The following DNM1L variants were observed in gnomAD, a reference collection of about 807,000 sequenced individuals.
The protein encoded by DNM1L is dynamin 1L.
Under a neutral mutation model 92.8 loss-of-function variants are expected in DNM1L, and 33 were observed. That is an observed-to-expected ratio of 0.36 (90% CI 0.27 to 0.48). The LOEUF (loss-of-function observed/expected upper bound fraction) is 0.48, where lower values mean the gene tolerates loss of function less well. Among genes scored for constraint, DNM1L ranks in the 20% least tolerant of loss-of-function variants. The pLI, the probability that DNM1L is intolerant of heterozygous loss-of-function variation, is 0.99. For synonymous variants in DNM1L, 284 were observed against 305.0 expected (o/e 0.93, Z 0.72); for missense variants, 485 against 888.8 (o/e 0.55, Z 5.78).
chr12:32,701,966 C>T (rs1592593085), intron 2 of DNM1L, among the ~76,000 whole-genome samples: 1 of 150,438 alleles, frequency 6.6e-6, no homozygotes, highest in East Asian at 2.0e-4. Context: ...GACCTCAAGC[C>T]ATCCGCCCGC....
At position 32,738,299 on chromosome 12, in the gene DNM1L, G is replaced by A. The variant is rs1375926058; in HGVS notation, c.1707+3G>A. On this transcript the variant is annotated splice_donor_region_variant and intron_variant, in intron 16 of 19. Coordinates refer to ENST00000549701, the MANE Select transcript of DNM1L (RefSeq NM_012062.5). ...ACAGCAGAAGAGAAACTAAAAATGTGAGTCTCTTGCTTCAGAATGGAAATG... is the reference window on the plus strand; with the variant it reads ...ACAGCAGAAGAGAAACTAAAAATGTAAGTCTCTTGCTTCAGAATGGAAATG... 6.2e-7 allele frequency: 1 copy of A among 1,613,540 alleles called. No homozygotes were observed. The highest frequency in any genetic ancestry group is 1.1e-5 in the South Asian group (1 of 91,048).
At chr12:32,718,812 G>A in intron 7 of DNM1L, 49 bp downstream of exon 7, 1 of 1,606,514 alleles carries the variant, frequency 6.2e-7, no homozygotes, top group Non-Finnish European at 8.5e-7. Flanking sequence ...TCTTAGAATG[G>A]GATAAGCATT....
chr12:32,736,886 G>T, intron 13 of DNM1L: 1 of 534,222 alleles, frequency 1.9e-6, no homozygotes, highest in Non-Finnish European at 3.3e-6. Context: ...ACAGTGTATT[G>T]TATCCTTCAG....
rs576800717 is a variant in DNM1L, at chr12:32,706,813, A to G, written c.251-554A>G. On this transcript the variant is annotated intron_variant, in intron 2 of 19. Coordinates refer to ENST00000549701, the MANE Select transcript of DNM1L (RefSeq NM_012062.5). The stretch of plus-strand genomic sequence containing the variant: ...AAGGAACAGCAAGTTGTGGCTCTAC[A>G]GGTAACCAACAGGAAACCAAATTTT... The G allele has an allele frequency of 5.4e-5, 22 of 403,782 alleles. No homozygotes were observed. In the East Asian group the frequency reaches 6.5e-4, roughly 12 times the overall value. The allele number at this position is 403,782 out of a possible 1,614,324, so 25.0% of individuals were successfully genotyped here.
rs567151674 is a variant in DNM1L, at chr12:32,706,622, C to T, written c.251-745C>T. 2.2e-5 allele frequency: 10 copies of T among 449,534 alleles called. No individual in the cohort carries two copies. The East Asian group carries it at 3.5e-4, about 16-fold the overall frequency. 27.8% of individuals were successfully genotyped at this position (449,534 alleles called of 1,614,324 possible). A position where few individuals can be genotyped will look rare whatever the true frequency, so the allele number is the denominator to read the frequency against. On this transcript the variant is annotated intron_variant, in intron 2 of 19. Transcript: ENST00000549701. ...TGGAAACTAATGGAGAGTGGCAACT[C>T]CTTACGCTGCATATACCAGGGTTCT...
chr12:32,721,033 A>G (rs537384092), intron 8 of DNM1L, among the ~76,000 whole-genome samples: 144 of 152,316 alleles, frequency 9.5e-4, no homozygotes, highest in African/African-American at 3.2e-3. Context: ...AATTACGAAA[A>G]TTTTGACAGT....
chr12:32,731,455 C>T lies in DNM1L; in HGVS notation c.1300C>T (p.Leu434=), dbSNP rs767278020. Residue 434 remains leucine (L), a synonymous_variant, in exon 11 of 20, where the codon CTG becomes TTG. Transcript: ENST00000549701. The surrounding 1 kb of genome is among the most constrained non-coding windows in gnomAD (Gnocchi z 5.1). Reference sequence around the variant, plus strand: ...AGAGCCCAGCCTCCGCTGTGTGGAACTGGTTCATGAGGAAATGCAAAGGAT... The same window carrying T: ...AGAGCCCAGCCTCCGCTGTGTGGAATTGGTTCATGAGGAAATGCAAAGGAT... ...LEEPSLRCVE[L]VHEEMQRIIQ... The T allele has an allele frequency of 6.2e-7, 1 of 1,614,016 alleles. No homozygotes were observed. The highest frequency in any genetic ancestry group is 8.5e-7 in the Non-Finnish European group (1 of 1,180,034).
intron 1 of DNM1L, among the ~76,000 whole-genome samples, chr12:32,700,124 C>G (rs1952640223): frequency 1.3e-5 from 2 of 149,404 alleles, no homozygotes; most frequent in South Asian, 4.2e-4. Context: ...ACTGTTTTAG[C>G]TATTTCTTTT....
Position 32,744,342 on chromosome 12 carries a change from A to G in DNM1L, c.*932A>G, listed in dbSNP as rs1440885651. 6.5e-6 allele frequency: 1 copy of G among 154,128 alleles called. No homozygotes were observed. Among genetic ancestry groups the G allele is most frequent in the Non-Finnish European group, 1.4e-5 (1 of 69,576 alleles). The allele number at this position is 154,128 out of a possible 1,614,324, so 9.5% of individuals were successfully genotyped here. A position where few individuals can be genotyped will look rare whatever the true frequency, so the allele number is the denominator to read the frequency against. On this transcript the variant is annotated 3_prime_UTR_variant, in exon 20 of 20. Transcript: ENST00000549701. The stretch of plus-strand genomic sequence containing the variant: ...TGTACTGTATGTATGCATTGGTAAT[A>G]GCTACTTTTGCTTCATAGCTTCATA...
At chr12:32,701,322 A>T in intron 1 of DNM1L, 93 bp from the exon 2 acceptor site, 1 of 1,155,734 alleles carries the variant, frequency 8.7e-7, no homozygotes, top group Non-Finnish European at 1.2e-6. Context: ...CCTTTAAAAT[A>T]ATTCTGTATG....
At position 32,721,824 on chromosome 12, in the gene DNM1L, C is replaced by T. The variant is rs187225427; in HGVS notation, c.873-603C>T. Among the ~76,000 whole-genome samples, 15 of 152,238 alleles carry T rather than the reference C, an allele frequency of 9.9e-5. No individual in the cohort carries two copies. The East Asian group carries it at 2.9e-3, about 29-fold the overall frequency. ...CTATAAGTCAGGGTACCCATGATCC[C>T]CTTTTCATGTTTGATGAATTTGTTA... On this transcript the variant is annotated intron_variant, in intron 8 of 19. Transcript: ENST00000549701.
intron 1 of DNM1L, among the ~76,000 whole-genome samples, chr12:32,684,091 G>A (rs1951904181): frequency 6.6e-6 from 1 of 152,172 alleles, no homozygotes; most frequent in South Asian, 2.1e-4. Context: ...CAACTCAGCA[G>A]CGTTTAGTAT....
intron 2 of DNM1L, chr12:32,706,619 A>T: frequency 2.3e-6 from 1 of 443,084 alleles, no homozygotes; most frequent in South Asian, 1.6e-5. Context: ...GAGAGTGGCA[A>T]CTCCTTACGC....
At chr12:32,687,889 T>G (rs2137232556) in intron 1 of DNM1L, among the ~76,000 whole-genome samples, 1 of 152,228 alleles carries the variant, frequency 6.6e-6, no homozygotes, top group East Asian at 1.9e-4. Flanking sequence ...TTGTTTTGGT[T>G]GTTTGGGGTC....
chr12:32,689,267 G>T (rs1406269112), intron 1 of DNM1L, among the ~76,000 whole-genome samples: 1 of 152,136 alleles, frequency 6.6e-6, no homozygotes, highest in East Asian at 1.9e-4. Flanking sequence ...GCGTGATCCT[G>T]GCTGACTGCA....
At chr12:32,727,440 G>C in intron 9 of DNM1L, 1 of 701,024 alleles carries the variant, frequency 1.4e-6, no homozygotes, top group Admixed American at 2.0e-5. Flanking sequence ...TGCAGGCAGT[G>C]ACTCAGGGCA....
chr12:32,695,943 G>C (rs1952428059), intron 1 of DNM1L, among the ~76,000 whole-genome samples: 1 of 152,144 alleles, frequency 6.6e-6, no homozygotes, highest in Admixed American at 6.5e-5. Context: ...GAATTTTGTA[G>C]AAATTGACAC....
intron 1 of DNM1L, among the ~76,000 whole-genome samples, chr12:32,696,552 A>C (rs1018547697): frequency 6.6e-6 from 1 of 151,446 alleles, no homozygotes; most frequent in Non-Finnish European, 1.5e-5. Flanking sequence ...GTGAGCTGTG[A>C]TTGCACCACT....
intron 1 of DNM1L, among the ~76,000 whole-genome samples, chr12:32,693,162 A>G (rs764554920): frequency 3.3e-5 from 5 of 152,126 alleles, no homozygotes; most frequent in Admixed American, 6.6e-5. Flanking sequence ...AAGTTTATTT[A>G]TATCTGTACT....
Sources: allele counts gnomAD v4.1 joint callset (sites outside exome capture counted in the v4.1 genomes callset), GRCh38; gene constraint gnomAD v4.1.1; non-coding constraint Gnocchi (gnomAD v3.1); transcripts MANE v1.5; gene names NCBI Gene and HGNC (gene_info 2026-07-23, HGNC 2026-07-21).